The following MCPH1 variants were observed in gnomAD, a reference collection of about 807,000 sequenced individuals.
MCPH1 encodes microcephalin 1, also known as microcephalin.
MCPH1 carries 104 observed loss-of-function variants against 84.5 expected under a neutral mutation model. That is an observed-to-expected ratio of 1.23 (90% CI 1.05 to 1.45). The LOEUF (loss-of-function observed/expected upper bound fraction) is 1.45. MCPH1 is among the 40% of genes most tolerant of loss of function. The pLI, the probability that MCPH1 is intolerant of heterozygous loss-of-function variation, is 0.00. For synonymous variants in MCPH1, 514 were observed against 366.8 expected (o/e 1.40, Z -4.58); for missense variants, 1,498 against 1,005.7 (o/e 1.49, Z -6.62).
chr8:6,509,476 G>T lies in MCPH1; in HGVS notation c.2214+9547G>T, dbSNP rs187466670. Among the ~76,000 whole-genome samples, 15 of 152,340 alleles carry T rather than the reference G, an allele frequency of 9.8e-5. No homozygotes were observed. In the East Asian group the frequency reaches 1.9e-3, roughly 20 times the overall value. On this transcript the variant is annotated intron_variant, in intron 12 of 13. Coordinates refer to ENST00000344683, the MANE Select transcript of MCPH1 (RefSeq NM_024596.5). ...CATTATTTTCCGCAGGGGGCCCCGG[G>T]GGGGATGGAGAATGCAGCAGACAAG...
chr8:6,533,548 C>T (rs573974520), intron 12 of MCPH1, among the ~76,000 whole-genome samples: 1 of 147,780 alleles, frequency 6.8e-6, no homozygotes, highest in Non-Finnish European at 1.5e-5. Context: ...TGCGTAACTC[C>T]AGATACTTAG....
intron 11 of MCPH1, among the ~76,000 whole-genome samples, chr8:6,488,203 C>G (rs893524962): frequency 6.6e-6 from 1 of 152,236 alleles, no homozygotes; most frequent in African/African-American, 2.4e-5. Flanking sequence ...GCGCTGCGGT[C>G]TAGGTCCTCC....
At chr8:6,444,202 C>T (rs1201625249) in intron 7 of MCPH1, among the ~76,000 whole-genome samples, 191 bp from the exon 8 acceptor site, 1 of 152,160 alleles carries the variant, frequency 6.6e-6, no homozygotes, top group South Asian at 2.1e-4. Context: ...CCCATCAAAG[C>T]CCAGGTTCTC....
rs1798229597 is a variant in MCPH1 at position 6,646,637 on chromosome 8, T to A, written c.*3588T>A. ...TTTCTCAACATCAGCAGTGTTGGCG[T>A]TTGCTGGGGTGGATAATTCTTTCCT... On this transcript the variant is annotated 3_prime_UTR_variant, in exon 14 of 14. Transcript: ENST00000344683. The A allele has an allele frequency of 6.6e-6, 1 of 152,194 alleles. No individual in the cohort carries two copies. The highest frequency in any genetic ancestry group is 1.5e-5 in the Non-Finnish European group (1 of 68,050). The allele number at this position is 152,194 out of a possible 1,614,324, so 9.4% of individuals were successfully genotyped here.
intron 13 of MCPH1, among the ~76,000 whole-genome samples, chr8:6,628,651 C>T (rs1370699108): frequency 3.3e-5 from 5 of 152,094 alleles, no homozygotes; most frequent in Non-Finnish European, 7.3e-5. Context: ...CTGCTCCAAG[C>T]ATTTTGGTTG....
At chr8:6,531,512 G>A (rs754072968) in intron 12 of MCPH1, among the ~76,000 whole-genome samples, 6 of 151,956 alleles carry the variant, frequency 3.9e-5, no homozygotes, top group Non-Finnish European at 7.4e-5. Flanking sequence ...GGCTGGTCTC[G>A]AACTCCTGAC....
intron 8 of MCPH1, among the ~76,000 whole-genome samples, chr8:6,453,773 G>T (rs924448663): frequency 3.3e-5 from 5 of 152,138 alleles, no homozygotes; most frequent in African/African-American, 4.8e-5. Flanking sequence ...GATAAAGTGG[G>T]CCTGGGAGAA....
At chr8:6,563,976 C>CTTTT (rs11358428) in intron 12 of MCPH1, among the ~76,000 whole-genome samples, 6 of 85,398 alleles carry the variant, frequency 7.0e-5, no homozygotes, top group African/African-American at 2.0e-4. Flanking sequence ...GGAATACAAA[C>CTTTT]TTTTTTTTTT....
intron 12 of MCPH1, among the ~76,000 whole-genome samples, chr8:6,544,772 A>G (rs969302356): frequency 9.8e-5 from 15 of 152,326 alleles, no homozygotes; most frequent in South Asian, 6.2e-4. Context: ...TTTGCCATAA[A>G]AGAGCCTCCC....
At chr8:6,571,374 G>A (rs536958874) in intron 12 of MCPH1, among the ~76,000 whole-genome samples, 21 of 152,072 alleles carry the variant, frequency 1.4e-4, no homozygotes, top group Middle Eastern at 3.4e-3. Context: ...CTTTGAGGTG[G>A]GCTTATTTGT....
At chr8:6,470,729 T>C (rs1302115014) in intron 9 of MCPH1, among the ~76,000 whole-genome samples, 1 of 152,280 alleles carries the variant, frequency 6.6e-6, no homozygotes, top group Non-Finnish European at 1.5e-5. Flanking sequence ...GCCCTGCCAG[T>C]GGCCATGCCA....
chr8:6,453,355 C>A (rs1002555686), intron 8 of MCPH1, among the ~76,000 whole-genome samples: 88 of 151,058 alleles, frequency 5.8e-4, no homozygotes, highest in African/African-American at 2.0e-3. Context: ...TTTTTGACTT[C>A]AGGATTTGTG....
chr8:6,464,684 G>T (rs1806656357), intron 9 of MCPH1, among the ~76,000 whole-genome samples: 1 of 152,180 alleles, frequency 6.6e-6, no homozygotes, highest in Non-Finnish European at 1.5e-5. Context: ...AGAGGAGCTA[G>T]CCGAAGAAGT....
chr8:6,565,515 C>T (rs541995693), intron 12 of MCPH1, among the ~76,000 whole-genome samples: 96 of 152,286 alleles, frequency 6.3e-4, no homozygotes, highest in African/African-American at 2.2e-3. Flanking sequence ...CTTGCTTGGC[C>T]TCCCAAAGTG....
rs1200346713 is a variant in MCPH1, at chr8:6,513,655, T to G, written c.2214+13726T>G. 3.2e-6 allele frequency: 5 copies of G among 1,587,192 alleles called. No homozygotes were observed. In the African/African-American group the frequency reaches 5.5e-5, roughly 17 times the overall value. On this transcript the variant is annotated intron_variant, in intron 12 of 13. Transcript: ENST00000344683. ...GCCACAAATCTTTTAATTTTTTCTTTCAATTACCATGAACTCACTTACCTA... is the reference window on the plus strand; with the variant it reads ...GCCACAAATCTTTTAATTTTTTCTTGCAATTACCATGAACTCACTTACCTA...
chr8:6,521,534 G>C (rs963495), intron 12 of MCPH1: 42,468 of 715,076 alleles, frequency 0.059, 1,518 homozygotes, highest in African/African-American at 0.12. Flanking sequence ...GTAATATGAT[G>C]TTACCAGAGC....
rs961291438 is a variant in MCPH1 at position 6,498,073 on chromosome 8, C to T, written c.2137-1779C>T. ...GAAGAAATAAAGCAGTTTCTATTCA[C>T]AGATGCAGTTCCTATTTAAATTCAT... On this transcript the variant is annotated intron_variant, in intron 11 of 13. Transcript: ENST00000344683. 8.5e-5 allele frequency among the ~76,000 whole-genome samples: 13 copies of T among 152,316 alleles called. 1 individual carries two copies. Among genetic ancestry groups the T allele is most frequent in the African/African-American group, 2.9e-4 (12 of 41,568 alleles).
At chr8:6,527,796 C>G (rs941241850) in intron 12 of MCPH1, 1 of 947,218 alleles carries the variant, frequency 1.1e-6, no homozygotes, top group Non-Finnish European at 1.5e-6. Flanking sequence ...ATTTATTAAC[C>G]CAAGTATCTT....
chr8:6,586,351 A>T (rs1049867398), intron 12 of MCPH1, among the ~76,000 whole-genome samples: 1 of 152,156 alleles, frequency 6.6e-6, no homozygotes, highest in Admixed American at 6.5e-5. Context: ...TCTTGCATAG[A>T]CAAAATATAC....
Sources: allele counts gnomAD v4.1 joint callset (sites outside exome capture counted in the v4.1 genomes callset), GRCh38; gene constraint gnomAD v4.1.1; transcripts MANE v1.5; gene names NCBI Gene and HGNC (gene_info 2026-07-23, HGNC 2026-07-21).